Variants in CLVS2 observed in about 807,000 individuals in gnomAD.
CLVS2 encodes the protein clavesin-2.
Under a neutral mutation model 29.0 loss-of-function variants are expected in CLVS2, and 19 were observed. That is an observed-to-expected ratio of 0.66 (90% CI 0.46 to 0.96). The LOEUF (loss-of-function observed/expected upper bound fraction) is 0.96. Ranked by LOEUF, CLVS2 falls within the 40% of genes least tolerant of loss-of-function variation. CLVS2 has a pLI of 0.00. For synonymous variants in CLVS2, 161 were observed against 151.3 expected (o/e 1.06, Z -0.47); for missense variants, 294 against 404.1 (o/e 0.73, Z 2.34).
chr6:122,996,826 A>G (rs973167873), intron 1 of CLVS2, 80 bp downstream of exon 1: 7 of 158,922 alleles, frequency 4.4e-5, no homozygotes, highest in African/African-American at 1.7e-4. Context: ...TATTCTTCAC[A>G]ACGTCCTCCC....
intron 2 of CLVS2, among the ~76,000 whole-genome samples, chr6:123,004,892 G>A (rs142583848): frequency 1.3e-5 from 2 of 150,960 alleles, no homozygotes; most frequent in African/African-American, 2.4e-5. Flanking sequence ...CAGCCTGGGC[G>A]ACAAGAGCAA....
At chr6:123,009,414 A>C (rs1163692442) in intron 2 of CLVS2, among the ~76,000 whole-genome samples, 2 of 152,136 alleles carry the variant, frequency 1.3e-5, no homozygotes, top group Non-Finnish European at 2.9e-5. Context: ...TGAAGAAATG[A>C]GGTCCTGAAA....
chr6:123,023,945 A>G lies in CLVS2; in HGVS notation c.564+12786A>G, dbSNP rs183488083. ...AATTGGCATGGTACCCAGTCCTATA[A>G]GGTTAAAATCAGCCTTGGTCATTCA... On this transcript the variant is annotated intron_variant, in intron 3 of 5. Transcript: ENST00000275162. 1.0e-3 allele frequency among the ~76,000 whole-genome samples: 153 copies of G among 152,274 alleles called. 1 individual carries two copies. The highest frequency in any genetic ancestry group is 3.5e-3 in the African/African-American group (146 of 41,582).
chr6:123,039,303 G>C (rs1775196802), intron 3 of CLVS2, among the ~76,000 whole-genome samples: 1 of 152,132 alleles, frequency 6.6e-6, no homozygotes, highest in Non-Finnish European at 1.5e-5. Context: ...GTAATAGTAT[G>C]ACCTTTTTGC....
At chr6:123,026,539 T>C (rs1775003418) in intron 3 of CLVS2, among the ~76,000 whole-genome samples, 1 of 152,132 alleles carries the variant, frequency 6.6e-6, no homozygotes, top group Non-Finnish European at 1.5e-5. Flanking sequence ...TGGATACATA[T>C]AGCTGTGATG....
intron 2 of CLVS2, among the ~76,000 whole-genome samples, 200 bp from the exon 3 acceptor site, chr6:123,010,785 C>T (rs144941682): frequency 6.6e-6 from 1 of 151,918 alleles, no homozygotes; most frequent in African/African-American, 2.4e-5. Flanking sequence ...TTTGTTTGGG[C>T]AGAATACATG....
At chr6:123,015,659 T>C (rs777526516) in intron 3 of CLVS2, among the ~76,000 whole-genome samples, 6 of 152,148 alleles carry the variant, frequency 3.9e-5, no homozygotes, top group Non-Finnish European at 8.8e-5. Context: ...ATTTATTTAT[T>C]GGAATAGACA....
chr6:123,030,129 C>G (rs570766645), intron 3 of CLVS2, among the ~76,000 whole-genome samples: 3 of 152,184 alleles, frequency 2.0e-5, no homozygotes, highest in Non-Finnish European at 2.9e-5. Context: ...TTGTAATATT[C>G]CATTGTCTCC....
chr6:123,060,967 A>T (rs547031838), intron 5 of CLVS2, among the ~76,000 whole-genome samples: 3 of 152,372 alleles, frequency 2.0e-5, no homozygotes, highest in African/African-American at 7.2e-5. Context: ...AGAAAGAAAG[A>T]AAAGTTATTC....
At position 123,041,816 on chromosome 6, in the gene CLVS2, T is replaced by C. The variant is rs149883053; in HGVS notation, c.565-6806T>C. Among the ~76,000 whole-genome samples, 759 of 152,292 alleles carry C rather than the reference T, an allele frequency of 5.0e-3. 6 individuals are homozygous for C. Among genetic ancestry groups the C allele is most frequent in the African/African-American group, 0.017 (712 of 41,554 alleles). On this transcript the variant is annotated intron_variant, in intron 3 of 5. Transcript: ENST00000275162. Reference sequence around the variant, plus strand: ...AGGGTCTTAAAGAGATACTATAAAGTATCTAGATGTGAATCTAGAACATCA... The same window carrying C: ...AGGGTCTTAAAGAGATACTATAAAGCATCTAGATGTGAATCTAGAACATCA...
intron 5 of CLVS2, among the ~76,000 whole-genome samples, chr6:123,059,136 G>A (rs765248331): frequency 6.6e-5 from 10 of 152,002 alleles, no homozygotes; most frequent in South Asian, 2.1e-4. Flanking sequence ...CCTTGTCACC[G>A]CCACCTGGAA....
intron 2 of CLVS2, among the ~76,000 whole-genome samples, chr6:123,009,292 A>G (rs1237660324): frequency 6.6e-6 from 1 of 152,038 alleles, no homozygotes; most frequent in East Asian, 1.9e-4. Context: ...CCATATGGCT[A>G]ATGAGGTGCT....
At chr6:123,050,525 G>T (rs889738161) in intron 4 of CLVS2, among the ~76,000 whole-genome samples, 1 of 152,180 alleles carries the variant, frequency 6.6e-6, no homozygotes, top group Non-Finnish European at 1.5e-5. Flanking sequence ...ATGGGAAAGA[G>T]AGTTTCAGGC....
intron 5 of CLVS2, among the ~76,000 whole-genome samples, chr6:123,057,503 C>T (rs1054283411): frequency 6.6e-6 from 1 of 151,934 alleles, no homozygotes; most frequent in African/African-American, 2.4e-5. Context: ...CCCAACACTG[C>T]ACCCAGCTAA....
chr6:123,028,678 T>C (rs1017612384), intron 3 of CLVS2, among the ~76,000 whole-genome samples: 1 of 152,202 alleles, frequency 6.6e-6, no homozygotes, highest in African/African-American at 2.4e-5. Context: ...TGCAGTGTCT[T>C]GTATGAAACA....
intron 2 of CLVS2, among the ~76,000 whole-genome samples, chr6:123,005,798 TC>T (rs1774659765): frequency 6.6e-6 from 1 of 152,156 alleles, no homozygotes; most frequent in African/African-American, 2.4e-5. Context: ...CTCTTTCTGG[TC>T]CAGGAGCATG....
At chr6:123,032,861 G>A (rs569345353) in intron 3 of CLVS2, among the ~76,000 whole-genome samples, 11 of 151,994 alleles carry the variant, frequency 7.2e-5, no homozygotes, top group Non-Finnish European at 1.3e-4. Flanking sequence ...GTTTCTTCAG[G>A]TATGAAATTA....
intron 1 of CLVS2, 94 bp from the exon 2 acceptor site, chr6:122,997,125 G>A (rs1774520578): frequency 6.2e-6 from 1 of 160,740 alleles, no homozygotes; most frequent in African/African-American, 2.4e-5. Context: ...ACACAAATTT[G>A]TCTTTTAAAA....
intron 3 of CLVS2, among the ~76,000 whole-genome samples, chr6:123,015,642 A>G (rs1774820887): frequency 6.6e-6 from 1 of 152,092 alleles, no homozygotes; most frequent in Non-Finnish European, 1.5e-5. Flanking sequence ...ATATTAATAT[A>G]GGTGAAATTT....
Sources: gnomAD v4.1 joint callset for allele counts (sites outside exome capture counted in the v4.1 genomes callset) on GRCh38, gnomAD v4.1.1 for gene constraint, MANE v1.5 for transcripts, NCBI Gene and HGNC (gene_info 2026-07-23, HGNC 2026-07-21) for gene names.